The following CSRP1 variants were observed in gnomAD, a reference collection of about 807,000 sequenced individuals.
CSRP1 encodes cysteine and glycine rich protein 1.
CSRP1 carries 16 observed loss-of-function variants against 25.4 expected under a neutral mutation model. The observed-to-expected ratio is 0.63, with a 90% CI of 0.43 to 0.96. The LOEUF (loss-of-function observed/expected upper bound fraction) is 0.96, where lower values mean the gene tolerates loss of function less well. CSRP1 is among the 40% of genes least tolerant of loss of function. The probability of loss-of-function intolerance (pLI) is 0.00; values close to 1 mark genes in which losing one functional copy is unlikely to be tolerated. For synonymous variants in CSRP1, 97 were observed against 95.3 expected (o/e 1.02, Z -0.10); for missense variants, 212 against 243.6 (o/e 0.87, Z 0.86).
chr1:201,504,553 C>T (rs903909204), intron 1 of CSRP1, among the ~76,000 whole-genome samples: 2 of 151,860 alleles, frequency 1.3e-5, no homozygotes, highest in Non-Finnish European at 2.9e-5. Flanking sequence ...AGCAAGCCAA[C>T]GTTTCACAAT....
intron 1 of CSRP1, among the ~76,000 whole-genome samples, chr1:201,500,570 G>A (rs1202459521): frequency 6.6e-6 from 1 of 152,252 alleles, no homozygotes; most frequent in Non-Finnish European, 1.5e-5. Context: ...AAAGGACAGG[G>A]CTCTATTGCC....
At position 201,500,262 on chromosome 1, in the gene CSRP1, G is replaced by A. The variant is rs138519438; in HGVS notation, c.-1-3958C>T. 3.7e-3 allele frequency among the ~76,000 whole-genome samples: 559 copies of A among 152,322 alleles called. 12 individuals are homozygous for A. In the South Asian group the frequency reaches 0.065, roughly 18 times the overall value. The stretch of plus-strand genomic sequence containing the variant: ...CCCCTAAGGGAGGAAAATTCCCCTA[G>A]CCACATGGTTGGGAGCCAGTTCCAA... On this transcript the variant is annotated intron_variant, in intron 1 of 5. Coordinates refer to ENST00000340006, the MANE Select transcript of CSRP1 (RefSeq NM_004078.3).
chr1:201,485,013 A>G (rs1664089234), intron 5 of CSRP1, among the ~76,000 whole-genome samples: 1 of 152,064 alleles, frequency 6.6e-6, no homozygotes, highest in Non-Finnish European at 1.5e-5. Flanking sequence ...CCAAAATTAT[A>G]GAAGCATCAT....
intron 2 of CSRP1, chr1:201,491,727 T>A (rs1664343546): frequency 1.3e-5 from 2 of 152,212 alleles, no homozygotes; most frequent in Admixed American, 6.5e-5. Flanking sequence ...TTGATCATAT[T>A]CCTTAAATAT....
Position 201,483,982 on chromosome 1 carries a change from G to A in CSRP1, c.*731C>T, listed in dbSNP as rs1330718841. 2.9e-6 allele frequency: 2 copies of A among 693,094 alleles called. No individual in the cohort carries two copies. Among genetic ancestry groups the A allele is most frequent in the South Asian group, 1.5e-5 (1 of 67,196 alleles). The allele number at this position is 693,094 out of a possible 1,614,324, so 42.9% of individuals were successfully genotyped here. A position where few individuals can be genotyped will look rare whatever the true frequency, so the allele number is the denominator to read the frequency against. On this transcript the variant is annotated 3_prime_UTR_variant, in exon 6 of 6. Coordinates refer to ENST00000340006, the MANE Select transcript of CSRP1 (RefSeq NM_004078.3). ...TGATAAATGCCAATATATGTTTCAG[G>A]TATTTCATTAGGATCCTCCCATCAA...
At chr1:201,501,623 C>G (rs1411430985) in intron 1 of CSRP1, among the ~76,000 whole-genome samples, 3 of 152,116 alleles carry the variant, frequency 2.0e-5, no homozygotes, top group African/African-American at 4.8e-5. Flanking sequence ...ACAAGAAAGC[C>G]AAGGTGGCAG....
In CSRP1 at chr1:201,496,402, G is replaced by C. The variant is rs1664517130; in HGVS notation, c.-1-98C>G. On this transcript the variant is annotated intron_variant, in intron 1 of 5. Coordinates refer to ENST00000340006, the MANE Select transcript of CSRP1 (RefSeq NM_004078.3). ...ATGCAACAGCCAGATCCAGAGGAGA[G>C]AAAGACAAAAGTAGAATGCCTGGGG... The C allele has an allele frequency of 2.8e-6, 3 of 1,064,146 alleles. No individual in the cohort carries two copies. The East Asian group carries it at 7.2e-5, about 26-fold the overall frequency. 65.9% of individuals were successfully genotyped at this position (1,064,146 alleles called of 1,614,324 possible).
intron 4 of CSRP1, chr1:201,487,035 A>G: frequency 8.0e-7 from 1 of 1,256,370 alleles, no homozygotes; most frequent in Non-Finnish European, 1.1e-6. Flanking sequence ...AACAACAATA[A>G]TAATAACAAT....
Position 201,490,340 on chromosome 1 carries a change from G to C in CSRP1, c.117C>G (p.Val39=), listed in dbSNP as rs375318566. The change falls in exon 3 of 6, where the codon GTC becomes GTG. Residue 39 remains valine (V), a synonymous_variant. Coordinates refer to ENST00000340006, the MANE Select transcript of CSRP1 (RefSeq NM_004078.3). ...SFHKSCFLCM[V]CKKNLDSTTV... is the part of the protein sequence containing the mutation. ...TGGTACTGTCCAGATTCTTCTTGCAGACCACTGTGGAGGGGAAGGGGAAGC... is the reference window on the plus strand; with the variant it reads ...TGGTACTGTCCAGATTCTTCTTGCACACCACTGTGGAGGGGAAGGGGAAGC... The C allele has an allele frequency of 6.8e-6, 11 of 1,613,708 alleles. No individual in the cohort carries two copies. Among genetic ancestry groups the C allele is most frequent in the Middle Eastern group, 3.3e-4 (2 of 6,050 alleles).
At chr1:201,493,468 C>T (rs1054777076) in intron 2 of CSRP1, among the ~76,000 whole-genome samples, 11 of 152,240 alleles carry the variant, frequency 7.2e-5, no homozygotes, top group Non-Finnish European at 1.6e-4. Context: ...CATACAAGCT[C>T]TCTTGCCTGC....
At chr1:201,497,290 C>A (rs1039801343) in intron 1 of CSRP1, among the ~76,000 whole-genome samples, 3 of 125,618 alleles carry the variant, frequency 2.4e-5, no homozygotes, top group Non-Finnish European at 4.7e-5. Flanking sequence ...ACTTGGGAGG[C>A]GGAGGTAGCA....
At chr1:201,498,184 G>A (rs1664566260) in intron 1 of CSRP1, among the ~76,000 whole-genome samples, 1 of 152,206 alleles carries the variant, frequency 6.6e-6, no homozygotes. Flanking sequence ...GGTAACACTA[G>A]TGAGTGTGGA....
Position 201,488,928 on chromosome 1 carries a change from A to T in CSRP1, c.338T>A (p.Ile113Asn), listed in dbSNP as rs1218346980. 1.2e-6 allele frequency: 2 copies of T among 1,613,934 alleles called. No individual in the cohort carries two copies. Among genetic ancestry groups the T allele is most frequent in the Non-Finnish European group, 1.7e-6 (2 of 1,179,976 alleles). ...TCGGGGGCAGCGCTCGGAGCCACCA[A>T]TCTTCTGGGCAAATTTGGATGCATT... ...NPNASKFAQKIGGSERCPRCS... is the reference protein window; with the variant it reads ...NPNASKFAQKNGGSERCPRCS... The change falls in exon 4 of 6, where the codon ATT (isoleucine) becomes AAT (asparagine). Residue 113 changes from isoleucine to asparagine, a missense_variant. Ile to Asn is a moderately radical substitution (Grantham distance 149). Transcript: ENST00000340006.
rs376020353 is a variant in CSRP1, at chr1:201,483,905, G to A, written c.*808C>T. On this transcript the variant is annotated 3_prime_UTR_variant, in exon 6 of 6. Transcript: ENST00000340006. ...AGCCCTGGCCTGGGCTCTGCTGGCC[G>A]CAGCCTCAGGAGCCAGGGTTAAGGC... The A allele has an allele frequency of 3.2e-3, 2,089 of 646,342 alleles. 54 individuals are homozygous for A. In the South Asian group the frequency reaches 0.033, roughly 10 times the overall value. 40.0% of individuals were successfully genotyped at this position (646,342 alleles called of 1,614,324 possible).
At chr1:201,497,931 A>G (rs1381741173) in intron 1 of CSRP1, among the ~76,000 whole-genome samples, 1 of 151,628 alleles carries the variant, frequency 6.6e-6, no homozygotes, top group East Asian at 1.9e-4. Context: ...AATCGCTTGA[A>G]CCTGGGAGGC....
intron 2 of CSRP1, 197 bp from the exon 3 acceptor site, chr1:201,490,541 G>A (rs753437653): frequency 1.9e-4 from 106 of 550,340 alleles, no homozygotes; most frequent in Non-Finnish European, 1.9e-4. Context: ...CTGCATATCC[G>A]ACTCTAGAAA....
At chr1:201,488,350 T>C (rs1664215193) in intron 4 of CSRP1, 1 of 152,490 alleles carries the variant, frequency 6.6e-6, no homozygotes, top group Non-Finnish European at 1.5e-5. Flanking sequence ...TAGGAGGCTC[T>C]GGTAGGTCTG....
intron 1 of CSRP1, among the ~76,000 whole-genome samples, chr1:201,496,958 A>G (rs1664532241): frequency 6.6e-6 from 1 of 152,210 alleles, no homozygotes; most frequent in African/African-American, 2.4e-5. Flanking sequence ...GGCTCACTTT[A>G]TAATTATTCT....
chr1:201,489,978 G>T, intron 3 of CSRP1, 198 bp downstream of exon 3: 1 of 536,458 alleles, frequency 1.9e-6, no homozygotes. Context: ...GAGGAGCCCA[G>T]CCTGTTTTAG....
Sources: gnomAD v4.1 joint callset for allele counts (sites outside exome capture counted in the v4.1 genomes callset) on GRCh38, gnomAD v4.1.1 for gene constraint, MANE v1.5 for transcripts, NCBI Gene and HGNC (gene_info 2026-07-23, HGNC 2026-07-21) for gene names.